Variants in GARIN3 observed in about 807,000 individuals in gnomAD.
GARIN3 encodes the protein Golgi-associated RAB2 interactor protein 3.
chr5:157,163,636 C>T, the GARIN3 span: 1 of 1,613,912 alleles, frequency 6.2e-7, no homozygotes, highest in Non-Finnish European at 8.5e-7. Context: ...ACTCTGATCC[C>T]CTTCTCTGTG....
chr5:157,162,593 C>G, the GARIN3 span: 3 of 1,614,170 alleles, frequency 1.9e-6, no homozygotes, highest in Non-Finnish European at 1.7e-6. Flanking sequence ...ACGATATCTA[C>G]CTCTCTGTCA....
At chr5:157,165,943 A>G in the GARIN3 span, 1 of 1,614,216 alleles carries the variant, frequency 6.2e-7, no homozygotes, top group Non-Finnish European at 8.5e-7. Context: ...GGGCTGGTGC[A>G]GACGATGCCC....
At chr5:157,163,496 C>A in the GARIN3 span, 5 of 1,614,200 alleles carry the variant, frequency 3.1e-6, no homozygotes, top group Non-Finnish European at 4.2e-6. Flanking sequence ...CCTTCAGCAG[C>A]CCCTGGAGTG....
At chr5:157,162,806 T>G in the GARIN3 span, 1 of 1,614,200 alleles carries the variant, frequency 6.2e-7, no homozygotes. Context: ...CCCCTTACGT[T>G]GCTGTACCCT....
At chr5:157,165,970 C>T in the GARIN3 span, 1 of 1,614,158 alleles carries the variant, frequency 6.2e-7, no homozygotes, top group African/African-American at 1.3e-5. Context: ...ACCATTCGGA[C>T]ACGGTTGTGT....
At chr5:157,163,174 G>A in the GARIN3 span, 1 of 1,614,104 alleles carries the variant, frequency 6.2e-7, no homozygotes. Flanking sequence ...GGAGAGACTG[G>A]CGGCCCCCGC....
At chr5:157,163,597 A>C in the GARIN3 span, 1 of 1,614,084 alleles carries the variant, frequency 6.2e-7, no homozygotes, top group Non-Finnish European at 8.5e-7. Context: ...GGCTGCAGAT[A>C]CATCACAAGG....
the GARIN3 span, among the ~76,000 whole-genome samples, chr5:157,164,027 A>C: frequency 6.6e-6 from 1 of 151,842 alleles, no homozygotes; most frequent in Admixed American, 6.6e-5. Context: ...ACTCCACTGC[A>C]CTCCAGCCTA....
At chr5:157,163,313 T>C in the GARIN3 span, 20 of 1,614,044 alleles carry the variant, frequency 1.2e-5, no homozygotes, top group Admixed American at 8.3e-5. Flanking sequence ...GGATTTTTGA[T>C]AGCTGCTCCC....
chr5:157,162,646 C>A, the GARIN3 span: 15 of 1,614,004 alleles, frequency 9.3e-6, no homozygotes, highest in Non-Finnish European at 1.3e-5. Context: ...GGCCCTGAGG[C>A]TCCTTAAAAA....
chr5:157,163,075 G>T, the GARIN3 span: 4 of 1,614,104 alleles, frequency 2.5e-6, no homozygotes, highest in Middle Eastern at 3.3e-4. Flanking sequence ...GGAGATGAGG[G>T]GTCCCACTGC....
At chr5:157,166,258 G>GAC in the GARIN3 span, 2 of 1,516,788 alleles carry the variant, frequency 1.3e-6, no homozygotes, top group Non-Finnish European at 1.8e-6. Context: ...CTCCCTACAG[G>GAC]ACTTCTGCCT....
chr5:157,165,735 G>A, the GARIN3 span: 1 of 1,614,176 alleles, frequency 6.2e-7, no homozygotes, highest in South Asian at 1.1e-5. Flanking sequence ...ACGGCCAGTG[G>A]CGAGTTTCAG....
At chr5:157,166,114 T>A in the GARIN3 span, 1 of 1,614,184 alleles carries the variant, frequency 6.2e-7, no homozygotes, top group Non-Finnish European at 8.5e-7. Context: ...TTGAACGCAC[T>A]CATTGAAGAG....
the GARIN3 span, chr5:157,163,497 C>T: frequency 1.6e-5 from 26 of 1,614,038 alleles, no homozygotes; most frequent in Non-Finnish European, 1.9e-5. Context: ...CTTCAGCAGC[C>T]CCTGGAGTGC....
chr5:157,164,603 C>T, the GARIN3 span, among the ~76,000 whole-genome samples: 2,759 of 152,246 alleles, frequency 0.018, 47 homozygotes, highest in Middle Eastern at 0.051. Context: ...CTTATTTTTA[C>T]GTGCTCTGCA....
At chr5:157,162,075 A>C in the GARIN3 span, 2 of 251,482 alleles carry the variant, frequency 8.0e-6, no homozygotes, top group Non-Finnish European at 1.5e-5. Flanking sequence ...CATTCAGGGA[A>C]AAGAGGAGAA....
the GARIN3 span, chr5:157,163,561 T>G: frequency 6.2e-7 from 1 of 1,614,060 alleles, no homozygotes; most frequent in Non-Finnish European, 8.5e-7. Flanking sequence ...TTGGATTCCC[T>G]CTCCCCCAGC....
chr5:157,162,161 G>A, the GARIN3 span: 1 of 446,068 alleles, frequency 2.2e-6, no homozygotes, highest in Non-Finnish European at 4.0e-6. Context: ...GGAAGCAAAA[G>A]GGATTGAGGC....
Sources: allele counts gnomAD v4.1 joint callset (sites outside exome capture counted in the v4.1 genomes callset), GRCh38; gene constraint gnomAD v4.1.1; transcripts MANE v1.5; gene names NCBI Gene and HGNC (gene_info 2026-07-23, HGNC 2026-07-21).